EFHC2: variants seen among roughly 807,000 people sequenced by gnomAD.
The protein encoded by EFHC2 is EF-hand domain containing 2, also known as EF-hand domain-containing family member C2.
A neutral mutation model predicts 52.7 loss-of-function variants in EFHC2; 18 were observed. The observed-to-expected ratio is 0.34, with a 90% CI of 0.24 to 0.51. The LOEUF is 0.51. EFHC2 is among the 20% of genes least tolerant of loss of function. The probability of loss-of-function intolerance (pLI) is 0.97; values close to 1 mark genes in which losing one functional copy is unlikely to be tolerated. For synonymous variants in EFHC2, 203 were observed against 204.1 expected (o/e 0.99, Z 0.04); for missense variants, 513 against 562.5 (o/e 0.91, Z 0.89).
intron 14 of EFHC2, among the ~76,000 whole-genome samples, chrX:44,161,464 G>C (rs758263944): frequency 5.1e-4 from 57 of 111,859 alleles, no homozygotes; most frequent in African/African-American, 1.7e-3. Context: ...AAGTGCTGTG[G>C]ACTTTGGAAG....
At chrX:44,224,012 C>T (rs770735368) in intron 11 of EFHC2, among the ~76,000 whole-genome samples, 8 of 111,935 alleles carry the variant, frequency 7.1e-5, no homozygotes, top group Non-Finnish European at 1.5e-4. Flanking sequence ...ACTAAATTTA[C>T]AATTTGCTTC....
At chrX:44,160,262 T>A (rs2036641375) in intron 14 of EFHC2, among the ~76,000 whole-genome samples, 1 of 111,422 alleles carries the variant, frequency 9.0e-6, no homozygotes, top group Non-Finnish European at 1.9e-5. Flanking sequence ...GATGGTGATC[T>A]TTTTGTGGGT....
chrX:44,282,995 C>T (rs1172186704), intron 2 of EFHC2, among the ~76,000 whole-genome samples: 1 of 109,923 alleles, frequency 9.1e-6, no homozygotes, highest in Non-Finnish European at 1.9e-5. Flanking sequence ...GCAGGCTTCC[C>T]GACTCGGCTT....
At chrX:44,209,318 T>C (rs1602152800) in intron 11 of EFHC2, among the ~76,000 whole-genome samples, 1 of 110,719 alleles carries the variant, frequency 9.0e-6, no homozygotes, top group African/African-American at 3.3e-5. Flanking sequence ...TTGGCACTTT[T>C]AGCCAGTGCA....
chrX:44,212,095 G>A (rs1446124482), intron 11 of EFHC2, among the ~76,000 whole-genome samples: 5 of 109,603 alleles, frequency 4.6e-5, no homozygotes, highest in African/African-American at 1.7e-4. Flanking sequence ...ATATGCCTGA[G>A]GGATAAAAAC....
chrX:44,317,179 G>A (rs1052120052), intron 1 of EFHC2, among the ~76,000 whole-genome samples: 8 of 111,687 alleles, frequency 7.2e-5, no homozygotes, highest in Non-Finnish European at 1.5e-4. Context: ...GTAGGGAGGA[G>A]GAGGTAATGA....
At chrX:44,293,683 A>T (rs1306760643) in intron 2 of EFHC2, among the ~76,000 whole-genome samples, 1 of 111,447 alleles carries the variant, frequency 9.0e-6, no homozygotes, top group Non-Finnish European at 1.9e-5. Context: ...ACCTCTATAC[A>T]TCACTTTTGT....
chrX:44,194,159 T>A (rs1014482221), intron 11 of EFHC2, among the ~76,000 whole-genome samples: 6 of 112,014 alleles, frequency 5.4e-5, no homozygotes, highest in African/African-American at 1.6e-4. Context: ...AAGGCAGAAA[T>A]ATAAGTCCAT....
At position 44,250,419 on chromosome X, in the gene EFHC2, A is replaced by G. The variant is rs200393180; in HGVS notation, c.633T>C (p.Arg211=). The G allele has an allele frequency of 1.7e-6, 2 of 1,205,482 alleles. No individual in the cohort carries two copies. Among genetic ancestry groups the G allele is most frequent in the Non-Finnish European group, 2.2e-6 (2 of 891,695 alleles). The part of the protein sequence containing the change: ...REVVEHVEPL[R]PYESLDTLKQ... ...TCAGGGTGTCGAGGGATTCGTAGGG[A>G]CGTAAGGGCTCTACGTGTTCTACAA... Residue 211 remains arginine, a synonymous_variant, in exon 5 of 15, where the codon CGT becomes CGC. Transcript: ENST00000420999.
At chrX:44,302,733 G>A (rs1291903393) in intron 2 of EFHC2, among the ~76,000 whole-genome samples, 3 of 111,800 alleles carry the variant, frequency 2.7e-5, no homozygotes, top group Non-Finnish European at 5.6e-5. Flanking sequence ...TTGCAATTAC[G>A]TTGTCTTATA....
chrX:44,175,433 TG>T (rs1224424500), intron 13 of EFHC2, among the ~76,000 whole-genome samples: 1 of 111,445 alleles, frequency 9.0e-6, no homozygotes, highest in Non-Finnish European at 1.9e-5. Flanking sequence ...ACTGGCTATT[TG>T]TAGACAGTAA....
chrX:44,167,918 A>G (rs1279665281), intron 13 of EFHC2, among the ~76,000 whole-genome samples: 1 of 112,185 alleles, frequency 8.9e-6, no homozygotes, highest in East Asian at 2.8e-4. Flanking sequence ...CTTTTCCCCA[A>G]AATCCTACCA....
intron 14 of EFHC2, among the ~76,000 whole-genome samples, chrX:44,155,419 C>T (rs986469474): frequency 1.8e-5 from 2 of 111,926 alleles, no homozygotes; most frequent in Admixed American, 9.5e-5. Flanking sequence ...AGCTAATGGG[C>T]CCTAGATTTA....
chrX:44,168,045 G>A (rs2036710823), intron 13 of EFHC2, among the ~76,000 whole-genome samples: 1 of 111,639 alleles, frequency 9.0e-6, no homozygotes, highest in African/African-American at 3.3e-5. Context: ...GTAAACAGAG[G>A]ATTGGTAACT....
intron 3 of EFHC2, among the ~76,000 whole-genome samples, chrX:44,271,489 C>T (rs1239030997): frequency 5.4e-5 from 6 of 111,264 alleles, no homozygotes; most frequent in Non-Finnish European, 9.4e-5. Flanking sequence ...GGTGGCAATA[C>T]TCTAAAAGGC....
intron 2 of EFHC2, among the ~76,000 whole-genome samples, chrX:44,273,038 T>C (rs755006683): frequency 3.5e-5 from 4 of 112,677 alleles, no homozygotes; most frequent in Admixed American, 9.4e-5. Flanking sequence ...AATACTTTTA[T>C]CACCATCTGG....
rs182871553 is a variant in EFHC2, at chrX:44,283,310, G to C, written c.232-10474C>G. On this transcript the variant is annotated intron_variant, in intron 2 of 14. Transcript: ENST00000420999. ...CCATTCTCCTGGCTCAGCCTCCCGAGTAGCTGGGACTACAGGTGCCCGCCA... is the reference window on the plus strand; with the variant it reads ...CCATTCTCCTGGCTCAGCCTCCCGACTAGCTGGGACTACAGGTGCCCGCCA... Among the ~76,000 whole-genome samples, 72 of 111,302 alleles carry C rather than the reference G, an allele frequency of 6.5e-4. 1 individual carries two copies. In the East Asian group the frequency reaches 0.015, roughly 22 times the overall value.
chrX:44,292,347 G>T (rs1305271615), intron 2 of EFHC2, among the ~76,000 whole-genome samples: 2 of 110,763 alleles, frequency 1.8e-5, no homozygotes, highest in Non-Finnish European at 3.8e-5. Flanking sequence ...GATATCCTGG[G>T]GATGGGACAC....
intron 13 of EFHC2, among the ~76,000 whole-genome samples, chrX:44,171,208 G>A (rs1157196073): frequency 9.0e-6 from 1 of 111,186 alleles, no homozygotes; most frequent in Non-Finnish European, 1.9e-5. Context: ...TGAGTCTGAT[G>A]TGATGTTTGA....
Sources: allele counts gnomAD v4.1 joint callset (sites outside exome capture counted in the v4.1 genomes callset), GRCh38; gene constraint gnomAD v4.1.1; transcripts MANE v1.5; gene names NCBI Gene and HGNC (gene_info 2026-07-23, HGNC 2026-07-21).